Variants in UACA observed in about 807,000 individuals in gnomAD.
UACA encodes uveal autoantigen with coiled-coil domains and ankyrin repeats, also known as nuclear membrane binding protein.
In UACA, 112 loss-of-function variants were observed where a neutral mutation model predicts 160.5. The observed-to-expected ratio is 0.70, with a 90% CI of 0.60 to 0.82. The LOEUF (loss-of-function observed/expected upper bound fraction) is 0.82, where lower values mean the gene tolerates loss of function less well. Ranked by LOEUF, UACA falls within the 40% of genes least tolerant of loss-of-function variation. The pLI is 0.00. For synonymous variants in UACA, 557 were observed against 568.4 expected, an observed-to-expected ratio of 0.98 and a Z score of 0.29; for missense variants, 1,574 against 1,614.6, an observed-to-expected ratio of 0.97 and a Z score of 0.43.
intron 16 of UACA, 43 bp from the exon 17 acceptor site, chr15:70,664,857 A>G: frequency 6.5e-7 from 1 of 1,539,282 alleles, no homozygotes; most frequent in South Asian, 1.2e-5. Flanking sequence ...TTCACTTATC[A>G]TGTACAATGA....
intron 1 of UACA, among the ~76,000 whole-genome samples, chr15:70,718,274 G>A (rs1898880415): frequency 6.7e-6 from 1 of 148,472 alleles, no homozygotes; most frequent in African/African-American, 2.5e-5. Context: ...GGGGAGGAGG[G>A]GGAGAGAGGG....
intron 12 of UACA, 27 bp from the exon 13 acceptor site, chr15:70,676,618 A>G: frequency 6.4e-7 from 1 of 1,562,696 alleles, no homozygotes; most frequent in Non-Finnish European, 8.8e-7. Context: ...TAAATACAGT[A>G]AAATCACCCT....
At chr15:70,657,263 A>T in intron 18 of UACA, 136 bp from the exon 19 acceptor site, 2 of 715,342 alleles carry the variant, frequency 2.8e-6, no homozygotes, top group East Asian at 2.7e-5. Flanking sequence ...GTGATTTCTA[A>T]AGGAATTACT....
intron 1 of UACA, among the ~76,000 whole-genome samples, chr15:70,753,450 G>A (rs976633712): frequency 1.3e-5 from 2 of 152,052 alleles, no homozygotes; most frequent in African/African-American, 4.8e-5. Context: ...TTGTATATAT[G>A]GCTTAAGGTG....
chr15:70,760,633 C>T (rs2030693179), intron 1 of UACA, among the ~76,000 whole-genome samples: 1 of 151,752 alleles, frequency 6.6e-6, no homozygotes, highest in Non-Finnish European at 1.5e-5. Context: ...ATGGTGAAAC[C>T]CTGTCTCTAC....
rs1898115573 is a variant in UACA, at chr15:70,696,045, TTAAG to T, written c.213-944_213-941del. On this transcript the variant is annotated intron_variant, in intron 2 of 18. Transcript: ENST00000322954. Reference sequence around the variant, plus strand: ...CTCAAGTAGAAATAGAACTGAGGCCTTAAGTAAGTGCAATAACCATTCTAGAGAT... The same window carrying T: ...CTCAAGTAGAAATAGAACTGAGGCCTTAAGTGCAATAACCATTCTAGAGAT... 2.0e-5 allele frequency among the ~76,000 whole-genome samples: 3 copies of T among 152,240 alleles called. No individual in the cohort carries two copies. The South Asian group carries it at 6.2e-4, about 32-fold the overall frequency.
chr15:70,764,835 T>C (rs1336500535), upstream of UACA, among the ~76,000 whole-genome samples: 1 of 152,180 alleles, frequency 6.6e-6, no homozygotes, highest in East Asian at 1.9e-4. Context: ...GTTGGCTCTT[T>C]AAAGTGTCTG....
chr15:70,773,665 G>A, the UACA span, among the ~76,000 whole-genome samples: 6 of 152,128 alleles, frequency 3.9e-5, no homozygotes, highest in Non-Finnish European at 8.8e-5. Flanking sequence ...AGGAAAAGAA[G>A]GTCCCAACTG....
chr15:70,656,558 A>C lies in UACA; in HGVS notation c.*498T>G, dbSNP rs1304178735. 3 of 152,296 alleles carry C rather than the reference A, an allele frequency of 2.0e-5. No individual in the cohort carries two copies. Among genetic ancestry groups the C allele is most frequent in the African/African-American group, 7.2e-5 (3 of 41,458 alleles). 9.4% of individuals were successfully genotyped at this position (152,296 alleles called of 1,614,324 possible). A position where few individuals can be genotyped will look rare whatever the true frequency, so the allele number is the denominator to read the frequency against. ...ACAAAAAAGGCCAAAGACACTAATG[A>C]AGTTACCTCAGTAAAGATACTGTAA... is the stretch of plus-strand genomic sequence containing the variant. On this transcript the variant is annotated 3_prime_UTR_variant, in exon 19 of 19. Coordinates refer to ENST00000322954, the MANE Select transcript of UACA (RefSeq NM_018003.4).
At chr15:70,748,967 A>C (rs1258054887) in intron 1 of UACA, 1 of 153,338 alleles carries the variant, frequency 6.5e-6, no homozygotes, top group African/African-American at 2.4e-5. Flanking sequence ...CTTAAAACTA[A>C]CTTTAAAAGT....
chr15:70,679,799 C>CTAT, intron 9 of UACA, 123 bp from the exon 10 acceptor site: 1 of 522,698 alleles, frequency 1.9e-6, no homozygotes, highest in South Asian at 2.8e-5. Flanking sequence ...CTGCACATAA[C>CTAT]ACAAGGTGGC....
intron 3 of UACA, among the ~76,000 whole-genome samples, chr15:70,693,309 A>G (rs541583863): frequency 2.9e-4 from 44 of 152,220 alleles, no homozygotes; most frequent in Non-Finnish European, 5.3e-4. Flanking sequence ...AAGCATACCA[A>G]CATAAATTAC....
intron 1 of UACA, 123 bp downstream of exon 1, chr15:70,763,207 A>T: frequency 9.0e-7 from 1 of 1,109,044 alleles, no homozygotes; most frequent in Non-Finnish European, 1.2e-6. Flanking sequence ...AGGAGTCGCC[A>T]GGGCCGCCGA....
At position 70,659,391 on chromosome 15, in the gene UACA, G is replaced by GTTTTTTTTTTTT. The variant is rs1375150038; in HGVS notation, c.4179+759_4179+760insAAAAAAAAAAAA. 1.7e-3 allele frequency among the ~76,000 whole-genome samples: 17 copies of GTTTTTTTTTTTT among 9,956 alleles called. 1 individual carries two copies. Among genetic ancestry groups the GTTTTTTTTTTTT allele is most frequent in the African/African-American group, 2.6e-3 (16 of 6,162 alleles). 6.5% of individuals were successfully genotyped at this position (9,956 alleles called of 152,430 possible). ...TCCATCTTTCCCTTCTTCATTTTTT[G>GTTTTTTTTTTTT]TTTGTTTTTTTTTTTTTTTTTTTTT... On this transcript the variant is annotated intron_variant, in intron 18 of 18. Transcript: ENST00000322954.
At chr15:70,702,066 G>A (rs559640362) in intron 1 of UACA, 22 of 1,370,368 alleles carry the variant, frequency 1.6e-5, no homozygotes, top group Admixed American at 1.0e-4. Flanking sequence ...GATCTCTAAC[G>A]ATATTTTCTT....
chr15:70,673,491 A>C (rs1039833453), intron 13 of UACA, among the ~76,000 whole-genome samples: 1 of 152,198 alleles, frequency 6.6e-6, no homozygotes, highest in African/African-American at 2.4e-5. Context: ...AAAAATACCT[A>C]TAAGCTTAGT....
intron 1 of UACA, among the ~76,000 whole-genome samples, chr15:70,713,791 A>G (rs1311324955): frequency 2.6e-5 from 4 of 152,314 alleles, no homozygotes; most frequent in African/African-American, 7.2e-5. Context: ...TGAAATGTTT[A>G]TAAGATGGAT....
intron 9 of UACA, chr15:70,679,963 AT>A (rs2140928278): frequency 5.8e-6 from 1 of 171,168 alleles, no homozygotes; most frequent in Non-Finnish European, 1.2e-5. Context: ...TTTAAAAAGA[AT>A]TTGTAATAAA....
chr15:70,680,545 T>A (rs1039384477), intron 9 of UACA, among the ~76,000 whole-genome samples: 1 of 152,204 alleles, frequency 6.6e-6, no homozygotes, highest in Non-Finnish European at 1.5e-5. Context: ...ATATTCTATA[T>A]CCACAATTTG....
Sources: allele counts gnomAD v4.1 joint callset (sites outside exome capture counted in the v4.1 genomes callset), GRCh38; gene constraint gnomAD v4.1.1; transcripts MANE v1.5; gene names NCBI Gene and HGNC (gene_info 2026-07-23, HGNC 2026-07-21).